The following MAP3K1 variants were observed in gnomAD, a reference collection of about 807,000 sequenced individuals.
MAP3K1 encodes the protein mitogen-activated protein kinase kinase kinase 1.
A neutral mutation model predicts 144.2 loss-of-function variants in MAP3K1; 36 were observed. The ratio of observed to expected loss-of-function variants is 0.25; its 90% CI spans 0.19 to 0.33. MAP3K1 has a LOEUF of 0.33. Among genes scored for constraint, MAP3K1 ranks in the 10% least tolerant of loss-of-function variants. The probability of loss-of-function intolerance (pLI) is 1.00; values close to 1 mark genes in which losing one functional copy is unlikely to be tolerated. For missense variants in MAP3K1, 1,650 were observed against 1,881.9 expected, an observed-to-expected ratio of 0.88 and a Z score of 2.28; for synonymous variants, 718 against 688.7, an observed-to-expected ratio of 1.04 and a Z score of -0.67.
chr5:56,868,638 C>T (rs990819253), intron 6 of MAP3K1, among the ~76,000 whole-genome samples: 3 of 152,186 alleles, frequency 2.0e-5, no homozygotes, highest in Non-Finnish European at 4.4e-5. Context: ...CCCGTCTCAG[C>T]CTCCCAAAGT....
intron 10 of MAP3K1, among the ~76,000 whole-genome samples, chr5:56,876,892 T>C (rs1748049431): frequency 6.6e-6 from 1 of 152,244 alleles, no homozygotes; most frequent in African/African-American, 2.4e-5. Flanking sequence ...GGTTTCTGTT[T>C]CTTTGACATT....
chr5:56,861,451 AAT>A (rs1747507000), intron 3 of MAP3K1, among the ~76,000 whole-genome samples: 2 of 151,822 alleles, frequency 1.3e-5, no homozygotes, highest in African/African-American at 4.8e-5. Flanking sequence ...AGGCACCTGT[AAT>A]CCCAGCTACT....
intron 1 of MAP3K1, among the ~76,000 whole-genome samples, chr5:56,841,444 G>A (rs918713404): frequency 1.3e-5 from 2 of 152,112 alleles, no homozygotes; most frequent in Non-Finnish European, 2.9e-5. Flanking sequence ...TACTGCCTGA[G>A]TTAGTACAAG....
chr5:56,889,661 C>T (rs969681759), intron 19 of MAP3K1, among the ~76,000 whole-genome samples: 26 of 152,054 alleles, frequency 1.7e-4, no homozygotes, highest in Non-Finnish European at 3.1e-4. Context: ...AGTTTTAAAC[C>T]CTGGCTCTAC....
rs1454569003 is a variant in MAP3K1, at chr5:56,882,826, A to G, written c.3626A>G (p.Gln1209Arg). 1 of 1,612,410 alleles carries G rather than the reference A, an allele frequency of 6.2e-7. No homozygotes were observed. The highest frequency in any genetic ancestry group is 8.5e-7 in the Non-Finnish European group (1 of 1,179,760). The change falls in exon 14 of 20, where the codon CAG becomes CGG. Residue 1209 changes from glutamine to arginine, a missense_variant. By Grantham distance (43) the Gln-to-Arg change is conservative. Transcript: ENST00000399503. ...QDALPIVPQLQVENGEDIIII... is the reference protein window; with the variant it reads ...QDALPIVPQLRVENGEDIIII... ...GCCCTCCCCATAGTTCCTCAGCTGC[A>G]GGTTGAAAATGGAGAAGATATCATC... is the stretch of plus-strand genomic sequence containing the variant.
chr5:56,846,765 AT>A (rs1747010281), intron 1 of MAP3K1, among the ~76,000 whole-genome samples: 1 of 152,160 alleles, frequency 6.6e-6, no homozygotes, highest in Non-Finnish European at 1.5e-5. Context: ...AGTGCTCATG[AT>A]TGTTTCCGTG....
At chr5:56,817,457 C>T (rs1746012582) in intron 1 of MAP3K1, among the ~76,000 whole-genome samples, 1 of 152,110 alleles carries the variant, frequency 6.6e-6, no homozygotes, top group African/African-American at 2.4e-5. Context: ...CTTAAAATCA[C>T]GATCCATTTA....
chr5:56,851,497 C>T (rs993730236), intron 1 of MAP3K1, among the ~76,000 whole-genome samples: 5 of 152,106 alleles, frequency 3.3e-5, no homozygotes, highest in African/African-American at 1.2e-4. Context: ...TATCAGGGGA[C>T]CCGTGTACAA....
chr5:56,880,840 T>C (rs1471006081), intron 12 of MAP3K1, 38 bp downstream of exon 12: 1 of 1,515,074 alleles, frequency 6.6e-7, no homozygotes, highest in East Asian at 2.3e-5. Flanking sequence ...TAGCATATTT[T>C]ATCATGTTCC....
At chr5:56,841,440 C>T (rs567269164) in intron 1 of MAP3K1, among the ~76,000 whole-genome samples, 2 of 152,188 alleles carry the variant, frequency 1.3e-5, no homozygotes, top group South Asian at 4.1e-4. Flanking sequence ...GATATACTGC[C>T]TGAGTTAGTA....
chr5:56,857,744 C>G (rs1747383256), intron 2 of MAP3K1, among the ~76,000 whole-genome samples: 1 of 152,230 alleles, frequency 6.6e-6, no homozygotes, highest in Non-Finnish European at 1.5e-5. Flanking sequence ...TTCACTGCCT[C>G]AGAAAGCTCT....
chr5:56,849,508 C>A (rs974540142), intron 1 of MAP3K1, among the ~76,000 whole-genome samples: 5 of 152,114 alleles, frequency 3.3e-5, no homozygotes, highest in African/African-American at 1.2e-4. Flanking sequence ...TGAATAAAAT[C>A]TGGAATAAAA....
At chr5:56,827,521 T>G (rs1746355213) in intron 1 of MAP3K1, among the ~76,000 whole-genome samples, 1 of 152,188 alleles carries the variant, frequency 6.6e-6, no homozygotes, top group South Asian at 2.1e-4. Context: ...TGAATGTGGT[T>G]TTGGAACTAC....
chr5:56,894,169 T>G lies in MAP3K1; in HGVS notation c.*489T>G. ...AGAGTATGCTATGAGTAGCAATACA[T>G]ACATATATTTTTAAAAGTTGATACT... On this transcript the variant is annotated 3_prime_UTR_variant, in exon 20 of 20. Transcript: ENST00000399503. 1 of 250,130 alleles carries G rather than the reference T, an allele frequency of 4.0e-6. No individual in the cohort carries two copies. The allele number at this position is 250,130 out of a possible 1,614,324, so 15.5% of individuals were successfully genotyped here. A position where few individuals can be genotyped will look rare whatever the true frequency, so the allele number is the denominator to read the frequency against.
chr5:56,820,976 C>A (rs1024865239), intron 1 of MAP3K1, among the ~76,000 whole-genome samples: 1 of 151,446 alleles, frequency 6.6e-6, no homozygotes, highest in Non-Finnish European at 1.5e-5. Context: ...TTTTTTTCTT[C>A]CAAGGGAAAA....
At chr5:56,859,055 A>G (rs1241480729) in intron 2 of MAP3K1, among the ~76,000 whole-genome samples, 2 of 135,042 alleles carry the variant, frequency 1.5e-5, no homozygotes, top group East Asian at 4.2e-4. Flanking sequence ...TTAGGTCTGA[A>G]AGCCTTAATT....
chr5:56,828,008 A>G (rs1332981212), intron 1 of MAP3K1, among the ~76,000 whole-genome samples: 2 of 152,090 alleles, frequency 1.3e-5, no homozygotes, highest in African/African-American at 2.4e-5. Context: ...TGATCCAGAA[A>G]AGTATTCAGT....
At chr5:56,839,584 C>T (rs1325972733) in intron 1 of MAP3K1, among the ~76,000 whole-genome samples, 1 of 152,114 alleles carries the variant, frequency 6.6e-6, no homozygotes, top group Non-Finnish European at 1.5e-5. Context: ...ACATTTTGGA[C>T]AATTTTGCTA....
intron 1 of MAP3K1, among the ~76,000 whole-genome samples, chr5:56,829,065 T>C (rs1403269894): frequency 1.3e-5 from 2 of 152,218 alleles, no homozygotes; most frequent in Non-Finnish European, 2.9e-5. Context: ...TAAAAAATTA[T>C]GACTTTCAAA....
Sources: gnomAD v4.1 joint callset for allele counts (sites outside exome capture counted in the v4.1 genomes callset) on GRCh38, gnomAD v4.1.1 for gene constraint, MANE v1.5 for transcripts, NCBI Gene and HGNC (gene_info 2026-07-23, HGNC 2026-07-21) for gene names.